The following CDH12 variants were observed in gnomAD, a reference collection of about 807,000 sequenced individuals.
CDH12 encodes cadherin 12.
CDH12 carries 41 observed loss-of-function variants against 74.1 expected under a neutral mutation model. That is an observed-to-expected ratio of 0.55 (90% CI 0.43 to 0.72). The LOEUF (loss-of-function observed/expected upper bound fraction) is 0.72. Ranked by LOEUF, CDH12 falls within the 30% of genes least tolerant of loss-of-function variation. CDH12 has a pLI of 0.00. For missense variants in CDH12, 945 were observed against 977.2 expected, an observed-to-expected ratio of 0.97 and a Z score of 0.44; for synonymous variants, 399 against 355.0, an observed-to-expected ratio of 1.12 and a Z score of -1.39.
At chr5:22,145,181 G>A (rs1210112505) in intron 4 of CDH12, among the ~76,000 whole-genome samples, 3 of 151,988 alleles carry the variant, frequency 2.0e-5, no homozygotes, top group East Asian at 3.9e-4. Context: ...AAATAGCTAC[G>A]GCCATTTGTG....
chr5:22,454,327 A>G (rs1745180557), intron 2 of CDH12, among the ~76,000 whole-genome samples: 1 of 152,230 alleles, frequency 6.6e-6, no homozygotes, highest in Non-Finnish European at 1.5e-5. Context: ...CTCTGTGATT[A>G]TTTTAAAAGT....
intron 5 of CDH12, among the ~76,000 whole-genome samples, chr5:22,035,713 T>TACACACACACACACACAC (rs149918147): frequency 1.4e-5 from 2 of 143,252 alleles, no homozygotes; most frequent in South Asian, 2.3e-4. Context: ...ACTTCACACA[T>TACACACACACACACACAC]ACACACACAC....
chr5:22,211,674 C>T (rs1021487801), intron 4 of CDH12, among the ~76,000 whole-genome samples: 2 of 151,804 alleles, frequency 1.3e-5, no homozygotes, highest in Non-Finnish European at 2.9e-5. Context: ...ATGGTTTAAT[C>T]TGAATTACCT....
chr5:22,218,521 A>G (rs1415487534), intron 3 of CDH12, among the ~76,000 whole-genome samples: 9 of 151,840 alleles, frequency 5.9e-5, no homozygotes, highest in Non-Finnish European at 8.9e-5. Context: ...GAATTAAAAA[A>G]TATGGAAATT....
At chr5:22,214,825 G>A (rs1164988648) in intron 3 of CDH12, among the ~76,000 whole-genome samples, 1 of 152,134 alleles carries the variant, frequency 6.6e-6, no homozygotes, top group Admixed American at 6.5e-5. Context: ...CAAATAACCA[G>A]CCTTTCTGTT....
At chr5:22,375,230 G>A (rs1309493122) in intron 3 of CDH12, among the ~76,000 whole-genome samples, 1 of 151,926 alleles carries the variant, frequency 6.6e-6, no homozygotes, top group African/African-American at 2.4e-5. Flanking sequence ...ATGGTATTGG[G>A]AATTACCCAT....
intron 11 of CDH12, among the ~76,000 whole-genome samples, chr5:21,776,147 C>A (rs973091225): frequency 6.6e-6 from 1 of 152,310 alleles, no homozygotes; most frequent in Non-Finnish European, 1.5e-5. Context: ...ATGTTACAAA[C>A]TGCTCTATGG....
intron 4 of CDH12, among the ~76,000 whole-genome samples, chr5:22,207,848 A>G (rs1483728560): frequency 6.6e-6 from 1 of 152,166 alleles, no homozygotes; most frequent in Non-Finnish European, 1.5e-5. Flanking sequence ...TGCTAAGGAG[A>G]AAAAAGATCT....
At chr5:22,508,816 A>G (rs933024150) in intron 1 of CDH12, among the ~76,000 whole-genome samples, 1 of 152,074 alleles carries the variant, frequency 6.6e-6, no homozygotes, top group Non-Finnish European at 1.5e-5. Flanking sequence ...TCTTACATGT[A>G]TTTGATTGAT....
chr5:22,799,697 G>C (rs138567226), intron 1 of CDH12, among the ~76,000 whole-genome samples: 21 of 152,170 alleles, frequency 1.4e-4, no homozygotes, highest in African/African-American at 3.9e-4. Flanking sequence ...AAAGTACTCA[G>C]TACTCCCCAC....
chr5:22,214,111 T>C (rs865909624), intron 3 of CDH12, among the ~76,000 whole-genome samples: 4 of 152,062 alleles, frequency 2.6e-5, no homozygotes, highest in Admixed American at 6.5e-5. Context: ...TTTTAAAGTA[T>C]CTCATTAAAA....
chr5:22,655,571 C>CTTTTAAATTATTT (rs1350151099), intron 1 of CDH12, among the ~76,000 whole-genome samples: 3 of 152,158 alleles, frequency 2.0e-5, no homozygotes, highest in Non-Finnish European at 4.4e-5. Flanking sequence ...GAAGAAGGAC[C>CTTTTAAATTATTT]TACAATTTTA....
rs984920533 is a variant in CDH12, at chr5:22,292,071, T to C, written c.-332-79428A>G. On this transcript the variant is annotated intron_variant, in intron 3 of 14. Coordinates refer to ENST00000382254, the MANE Select transcript of CDH12 (RefSeq NM_004061.5). ...AGTCCATGCATTTACAGCCAACTGA[T>C]TTTCAACAAAGAAGCCAATAATACA... Among the ~76,000 whole-genome samples the C allele has an allele frequency of 2.6e-5, 4 of 152,114 alleles. 1 individual carries two copies. The highest frequency in any genetic ancestry group is 9.7e-5 in the African/African-American group (4 of 41,430).
At chr5:22,274,358 T>A (rs1490107191) in intron 3 of CDH12, among the ~76,000 whole-genome samples, 2 of 152,146 alleles carry the variant, frequency 1.3e-5, no homozygotes, top group African/African-American at 2.4e-5. Flanking sequence ...AAAATTTTAA[T>A]CTAATTAAAC....
chr5:22,589,088 G>C (rs1196123474), intron 1 of CDH12, among the ~76,000 whole-genome samples: 1 of 152,108 alleles, frequency 6.6e-6, no homozygotes, highest in Non-Finnish European at 1.5e-5. Context: ...AGGCTTGGCT[G>C]TTCCCAATAT....
At chr5:22,823,192 T>C (rs533486624) in intron 1 of CDH12, among the ~76,000 whole-genome samples, 1 of 135,144 alleles carries the variant, frequency 7.4e-6, no homozygotes, top group Non-Finnish European at 1.5e-5. Flanking sequence ...ATGAGAACAC[T>C]TGGACACAGG....
chr5:22,122,303 T>G (rs934341986), intron 4 of CDH12, among the ~76,000 whole-genome samples: 1 of 152,244 alleles, frequency 6.6e-6, no homozygotes, highest in Non-Finnish European at 1.5e-5. Context: ...CTTGGGAGGC[T>G]GAAGGAGGAG....
At chr5:21,952,048 C>G (rs930845328) in intron 6 of CDH12, among the ~76,000 whole-genome samples, 1 of 152,186 alleles carries the variant, frequency 6.6e-6, no homozygotes, top group African/African-American at 2.4e-5. Flanking sequence ...TATTATTCTA[C>G]TGTATCTTCA....
At chr5:22,849,072 A>G (rs1737434070) in intron 1 of CDH12, among the ~76,000 whole-genome samples, 1 of 152,082 alleles carries the variant, frequency 6.6e-6, no homozygotes, top group East Asian at 1.9e-4. Flanking sequence ...TGGACATTAC[A>G]TATTTTCTTC....
Sources: allele counts gnomAD v4.1 joint callset (sites outside exome capture counted in the v4.1 genomes callset), GRCh38; gene constraint gnomAD v4.1.1; transcripts MANE v1.5; gene names NCBI Gene and HGNC (gene_info 2026-07-23, HGNC 2026-07-21).